MANBA: variants seen among roughly 807,000 people sequenced by gnomAD.
The protein encoded by MANBA is mannosidase beta.
In MANBA, 83 loss-of-function variants were observed where a neutral mutation model predicts 111.1. The observed-to-expected ratio is 0.75, with a 90% CI of 0.63 to 0.90. The LOEUF is 0.90. MANBA is among the 40% of genes least tolerant of loss of function. The pLI is 0.00. For missense variants in MANBA, 1,036 were observed against 1,069.0 expected (o/e 0.97, Z 0.43); for synonymous variants, 370 against 378.7 (o/e 0.98, Z 0.27).
chr4:102,731,622 A>C (rs1723037028), intron 1 of MANBA, among the ~76,000 whole-genome samples: 1 of 152,192 alleles, frequency 6.6e-6, no homozygotes. Flanking sequence ...ATGTGCCCAT[A>C]AATAAAGTTT....
chr4:102,661,794 A>G (rs1437371865), intron 11 of MANBA, among the ~76,000 whole-genome samples: 4 of 152,216 alleles, frequency 2.6e-5, no homozygotes, highest in African/African-American at 9.7e-5. Context: ...CTAAGCCATG[A>G]CCTTAAACCC....
rs888418903 is a variant in MANBA at position 102,729,390 on chromosome 4, A to T, written c.178-2707T>A. On this transcript the variant is annotated intron_variant, in intron 1 of 16. Transcript: ENST00000647097. ...TCTCCTCGTATGGTGCCTTGACCTC[A>T]GCGATGATGCTGTTCATGCCCAGGG... 15 of 860,742 alleles carry T rather than the reference A, an allele frequency of 1.7e-5. No homozygotes were observed. The Admixed American group carries it at 2.3e-4, about 13-fold the overall frequency. 53.3% of individuals were successfully genotyped at this position (860,742 alleles called of 1,614,324 possible).
At chr4:102,696,781 T>C (rs757631114) in intron 5 of MANBA, among the ~76,000 whole-genome samples, 1 of 152,028 alleles carries the variant, frequency 6.6e-6, no homozygotes, top group Non-Finnish European at 1.5e-5. Flanking sequence ...TTTAATAGAG[T>C]ATGAAAAGCT....
intron 13 of MANBA, among the ~76,000 whole-genome samples, chr4:102,646,144 C>G (rs535313857): frequency 6.6e-6 from 1 of 152,062 alleles, no homozygotes; most frequent in African/African-American, 2.4e-5. Context: ...GTTCATGACC[C>G]AGGACCAGGC....
chr4:102,747,718 T>C (rs1723639567), intron 1 of MANBA, among the ~76,000 whole-genome samples: 2 of 152,360 alleles, frequency 1.3e-5, no homozygotes, highest in African/African-American at 4.8e-5. Flanking sequence ...CTTAACATTA[T>C]CTTTTTCTAA....
intron 14 of MANBA, among the ~76,000 whole-genome samples, chr4:102,637,781 G>A (rs1298093214): frequency 1.3e-5 from 2 of 152,130 alleles, no homozygotes; most frequent in Non-Finnish European, 2.9e-5. Flanking sequence ...AACATCCTCT[G>A]TAATACAGCA....
At chr4:102,745,961 G>A (rs1290253363) in intron 1 of MANBA, among the ~76,000 whole-genome samples, 1 of 152,180 alleles carries the variant, frequency 6.6e-6, no homozygotes, top group South Asian at 2.1e-4. Flanking sequence ...GCAAACAGGG[G>A]TGTTGGGGGT....
chr4:102,647,144 C>G (rs145839150), intron 13 of MANBA, among the ~76,000 whole-genome samples: 2 of 151,076 alleles, frequency 1.3e-5, no homozygotes, highest in East Asian at 3.9e-4. Flanking sequence ...AAGGAAAAAC[C>G]CTAAAACCCT....
At chr4:102,734,519 A>T in intron 1 of MANBA, 3 of 1,608,034 alleles carry the variant, frequency 1.9e-6, no homozygotes, top group Non-Finnish European at 2.6e-6. Flanking sequence ...AGGCTGAACC[A>T]TCTGAGCTCA....
intron 5 of MANBA, among the ~76,000 whole-genome samples, chr4:102,713,443 A>C (rs192922309): frequency 6.6e-6 from 1 of 152,288 alleles, no homozygotes; most frequent in African/African-American, 2.4e-5. Context: ...TACCTACTCT[A>C]TTTCTTTTAT....
intron 12 of MANBA, among the ~76,000 whole-genome samples, chr4:102,656,029 G>A (rs867657421): frequency 6.6e-6 from 1 of 152,186 alleles, no homozygotes; most frequent in Non-Finnish European, 1.5e-5. Context: ...GAGGTAGGAA[G>A]ATCACTTGAG....
chr4:102,739,492 C>T (rs1347535611), intron 1 of MANBA, among the ~76,000 whole-genome samples: 1 of 152,114 alleles, frequency 6.6e-6, no homozygotes, highest in African/African-American at 2.4e-5. Context: ...CAGAAAAGGA[C>T]ATAACATACA....
At chr4:102,675,807 T>C (rs1254988244) in intron 7 of MANBA, among the ~76,000 whole-genome samples, 1 of 152,102 alleles carries the variant, frequency 6.6e-6, no homozygotes, top group Non-Finnish European at 1.5e-5. Flanking sequence ...ATCCTATCTC[T>C]ACTAAATACA....
At chr4:102,695,767 C>A (rs1732679925) in intron 5 of MANBA, among the ~76,000 whole-genome samples, 2 of 152,128 alleles carry the variant, frequency 1.3e-5, no homozygotes, top group South Asian at 4.2e-4. Context: ...CACAGGTACA[C>A]AACGATTGAC....
At chr4:102,670,901 C>A in intron 9 of MANBA, 1 of 154,942 alleles carries the variant, frequency 6.5e-6, no homozygotes, top group African/African-American at 2.4e-5. Flanking sequence ...TTTAGAAAAA[C>A]AATATGAAAC....
chr4:102,680,739 C>T lies in MANBA; in HGVS notation c.961-6669G>A, dbSNP rs77292006. Among the ~76,000 whole-genome samples the T allele has an allele frequency of 9.8e-3, 1,492 of 152,328 alleles. 27 individuals are homozygous for T. The highest frequency in any genetic ancestry group is 0.033 in the African/African-American group (1,365 of 41,574). ...TGAATACTGGCCACATATGCAGCAT[C>T]TTTTATCCTGGCCCATAGCAGAGGT... On this transcript the variant is annotated intron_variant, in intron 7 of 16. Coordinates refer to ENST00000647097, the MANE Select transcript of MANBA (RefSeq NM_005908.4).
In MANBA at chr4:102,639,637, A is replaced by T. The variant is rs900174641; in HGVS notation, c.2014+76T>A. Reference sequence around the variant, plus strand: ...CTGCCTGGGCTAATCTGACCCCTCCAGCACTGTGCTTTCTCAGTCCCTCTC... The same window carrying T: ...CTGCCTGGGCTAATCTGACCCCTCCTGCACTGTGCTTTCTCAGTCCCTCTC... On this transcript the variant is annotated intron_variant, in intron 14 of 16. Coordinates refer to ENST00000647097, the MANE Select transcript of MANBA (RefSeq NM_005908.4). 1.1e-5 allele frequency: 17 copies of T among 1,588,166 alleles called. No individual in the cohort carries two copies. The Middle Eastern group carries it at 7.4e-4, about 69-fold the overall frequency.
chr4:102,738,077 C>G lies in MANBA; in HGVS notation c.178-11394G>C, dbSNP rs147731177. Among the ~76,000 whole-genome samples, 561 of 152,298 alleles carry G rather than the reference C, an allele frequency of 3.7e-3. 6 individuals are homozygous for G. Among genetic ancestry groups the G allele is most frequent in the African/African-American group, 0.013 (547 of 41,570 alleles). On this transcript the variant is annotated intron_variant, in intron 1 of 16. Coordinates refer to ENST00000647097, the MANE Select transcript of MANBA (RefSeq NM_005908.4). ...TGGCCAATGTAGGGCAATATTATAT[C>G]CCCCCTTCTGCTACTGCAGCTAGTG...
intron 5 of MANBA, among the ~76,000 whole-genome samples, chr4:102,709,146 G>A (rs998508645): frequency 2.7e-5 from 4 of 150,546 alleles, no homozygotes; most frequent in African/African-American, 4.9e-5. Context: ...GCAAGGCCCC[G>A]TCAGGAAGGA....
Sources: allele counts gnomAD v4.1 joint callset (sites outside exome capture counted in the v4.1 genomes callset), GRCh38; gene constraint gnomAD v4.1.1; transcripts MANE v1.5; gene names NCBI Gene and HGNC (gene_info 2026-07-23, HGNC 2026-07-21).